Variants in PAMR1 observed in about 807,000 individuals in gnomAD.
PAMR1 encodes peptidase domain containing associated with muscle regeneration 1.
A neutral mutation model predicts 81.8 loss-of-function variants in PAMR1; 88 were observed. That is an observed-to-expected ratio of 1.08 (90% CI 0.91 to 1.28). PAMR1 has a LOEUF of 1.28. Ranked by LOEUF, PAMR1 falls within the 50% of genes most tolerant of loss-of-function variation. The pLI, the probability that PAMR1 is intolerant of heterozygous loss-of-function variation, is 0.00. For synonymous variants in PAMR1, 336 were observed against 345.3 expected, an observed-to-expected ratio of 0.97 and a Z score of 0.30; for missense variants, 935 against 919.7, an observed-to-expected ratio of 1.02 and a Z score of -0.21.
chr11:35,471,256 AT>A (rs1850172443), intron 4 of PAMR1, among the ~76,000 whole-genome samples: 1 of 151,992 alleles, frequency 6.6e-6, no homozygotes, highest in South Asian at 2.1e-4. Flanking sequence ...AACCTCTTAT[AT>A]TTACCTCCTT....
chr11:35,449,530 G>T (rs987203744), intron 6 of PAMR1, among the ~76,000 whole-genome samples: 1 of 152,204 alleles, frequency 6.6e-6, no homozygotes. Flanking sequence ...GCACTGTGAG[G>T]AATTCTTCTC....
chr11:35,519,420 T>C (rs943438061), intron 1 of PAMR1, among the ~76,000 whole-genome samples: 2 of 68,730 alleles, frequency 2.9e-5, no homozygotes, highest in Admixed American at 1.8e-4. Flanking sequence ...ACATACACAA[T>C]GTCAGGGCCA....
At chr11:35,434,114 A>G (rs1855979504) in intron 10 of PAMR1, among the ~76,000 whole-genome samples, 1 of 152,186 alleles carries the variant, frequency 6.6e-6, no homozygotes. Context: ...ACAAATCACA[A>G]CATTCATGGA....
intron 1 of PAMR1, among the ~76,000 whole-genome samples, chr11:35,509,874 TTTC>T (rs1286136741): frequency 6.6e-6 from 1 of 152,198 alleles, no homozygotes; most frequent in Non-Finnish European, 1.5e-5. Context: ...TAACTTTGCT[TTTC>T]ACATTTAAAG....
intron 6 of PAMR1, among the ~76,000 whole-genome samples, chr11:35,446,227 CT>C (rs1856288984): frequency 6.6e-6 from 1 of 152,028 alleles, no homozygotes; most frequent in Non-Finnish European, 1.5e-5. Context: ...ATTAGTCTCT[CT>C]TTTCTTCTTT....
intron 6 of PAMR1, among the ~76,000 whole-genome samples, chr11:35,452,525 A>G (rs1856439374): frequency 2.0e-5 from 3 of 152,212 alleles, no homozygotes; most frequent in African/African-American, 4.8e-5. Context: ...AAAGCCAGCT[A>G]AATATGAAGC....
chr11:35,483,192 A>G (rs1850433974), intron 3 of PAMR1, among the ~76,000 whole-genome samples: 1 of 152,194 alleles, frequency 6.6e-6, no homozygotes, highest in African/African-American at 2.4e-5. Flanking sequence ...GACTGAAGCT[A>G]TAATCTCACC....
At chr11:35,489,793 C>A (rs1397524468) in intron 3 of PAMR1, among the ~76,000 whole-genome samples, 1 of 152,234 alleles carries the variant, frequency 6.6e-6, no homozygotes, top group Non-Finnish European at 1.5e-5. Context: ...CTGTCTGAAA[C>A]CTTACCTCCC....
intron 9 of PAMR1, among the ~76,000 whole-genome samples, chr11:35,435,121 T>TA (rs1856008844): frequency 6.6e-6 from 1 of 152,124 alleles, no homozygotes; most frequent in Non-Finnish European, 1.5e-5. Flanking sequence ...GATAGAACAA[T>TA]AATAATGGTC....
chr11:35,434,628 G>T lies in PAMR1; in HGVS notation c.1510C>A (p.His504Asn). Reference protein sequence around the residue: ...VNERTVVVAAHCVTDLGKVTM... With the variant: ...VNERTVVVAANCVTDLGKVTM... ...ACCTTCCCCAGGTCAGTAACACAGT[G>T]GGCAGCCACCACCACAGTGCGCTCA... The change falls in exon 10 of 11, where the codon CAC (histidine) becomes AAC (asparagine). Residue 504 changes from histidine to asparagine, a missense_variant. Physicochemically the swap from His to Asn is moderately conservative, Grantham distance 68. Coordinates refer to ENST00000619888, the MANE Select transcript of PAMR1 (RefSeq NM_001001991.3). 6.2e-7 allele frequency: 1 copy of T among 1,614,044 alleles called. No individual in the cohort carries two copies.
At chr11:35,465,950 C>T (rs1393362718) in intron 6 of PAMR1, among the ~76,000 whole-genome samples, 1 of 152,202 alleles carries the variant, frequency 6.6e-6, no homozygotes, top group African/African-American at 2.4e-5. Context: ...TTTTGACTCA[C>T]AAGCTACCTG....
At chr11:35,466,131 C>T (rs1324653376) in intron 6 of PAMR1, among the ~76,000 whole-genome samples, 4 of 151,932 alleles carry the variant, frequency 2.6e-5, no homozygotes, top group Non-Finnish European at 5.9e-5. Flanking sequence ...TAAGCCTTCC[C>T]TCTTTTTGTT....
chr11:35,451,959 T>C (rs1856428226), intron 6 of PAMR1: 1 of 682,416 alleles, frequency 1.5e-6, no homozygotes, highest in Admixed American at 2.1e-5. Context: ...TAAATGTTTG[T>C]TGTTTAAGTC....
chr11:35,453,394 G>T (rs933050999), intron 6 of PAMR1: 14 of 152,098 alleles, frequency 9.2e-5, no homozygotes, highest in African/African-American at 3.4e-4. Context: ...CACACTTCTG[G>T]GTGCCAACCA....
At chr11:35,520,848 G>A (rs1168716521) in intron 1 of PAMR1, among the ~76,000 whole-genome samples, 1 of 152,210 alleles carries the variant, frequency 6.6e-6, no homozygotes, top group Non-Finnish European at 1.5e-5. Context: ...GGCCACCCCA[G>A]TGGGGCAGAT....
intron 1 of PAMR1, among the ~76,000 whole-genome samples, chr11:35,500,593 C>T (rs191485461): frequency 1.3e-4 from 20 of 152,286 alleles, no homozygotes; most frequent in African/African-American, 3.8e-4. Context: ...CCAAATCTAC[C>T]GACCTCGTCG....
At chr11:35,516,382 T>C (rs761400706) in intron 1 of PAMR1, among the ~76,000 whole-genome samples, 44 of 152,186 alleles carry the variant, frequency 2.9e-4, no homozygotes, top group Non-Finnish European at 5.6e-4. Context: ...TTCTAAGAAA[T>C]CTGTATCAAA....
upstream of PAMR1, among the ~76,000 whole-genome samples, chr11:35,526,878 G>A (rs898670403): frequency 6.6e-6 from 1 of 152,156 alleles, no homozygotes; most frequent in Admixed American, 6.5e-5. Context: ...CCCCATAAAA[G>A]TTTTAATTTT....
At chr11:35,443,233 A>G (rs947304377) in intron 6 of PAMR1, among the ~76,000 whole-genome samples, 20 of 151,482 alleles carry the variant, frequency 1.3e-4, no homozygotes, top group Admixed American at 4.6e-4. Context: ...CTCCGGATAC[A>G]GGTGCAGGAT....
Sources: gnomAD v4.1 joint callset for allele counts (sites outside exome capture counted in the v4.1 genomes callset) on GRCh38, gnomAD v4.1.1 for gene constraint, MANE v1.5 for transcripts, NCBI Gene and HGNC (gene_info 2026-07-23, HGNC 2026-07-21) for gene names.